The following UQCC1 variants were observed in gnomAD, a reference collection of about 807,000 sequenced individuals.
UQCC1 encodes ubiquinol-cytochrome c reductase complex assembly factor 1.
In UQCC1, 38 loss-of-function variants were observed where a neutral mutation model predicts 48.0. The ratio of observed to expected loss-of-function variants is 0.79; its 90% CI spans 0.61 to 1.04. UQCC1 has a LOEUF of 1.04. Ranked by LOEUF, UQCC1 falls within the 50% of genes least tolerant of loss-of-function variation. The pLI, the probability that UQCC1 is intolerant of heterozygous loss-of-function variation, is 0.00. For missense variants in UQCC1, 368 were observed against 381.8 expected (o/e 0.96, Z 0.30); for synonymous variants, 111 against 129.2 (o/e 0.86, Z 0.95).
intron 2 of UQCC1, chr20:35,384,598 C>T: frequency 4.5e-6 from 2 of 447,404 alleles, no homozygotes; most frequent in Non-Finnish European, 8.9e-6. Context: ...GCTATCATCA[C>T]ACCACTGCAC....
intron 1 of UQCC1, among the ~76,000 whole-genome samples, chr20:35,394,399 T>C (rs1486269977): frequency 1.3e-5 from 2 of 152,016 alleles, no homozygotes; most frequent in Admixed American, 6.6e-5. Context: ...CTTTCAACCA[T>C]ACCTGAGTTT....
intron 1 of UQCC1, among the ~76,000 whole-genome samples, chr20:35,397,200 CA>C (rs1390856627): frequency 9.0e-5 from 9 of 100,074 alleles, no homozygotes; most frequent in African/African-American, 8.0e-5. Flanking sequence ...GACTCTGTCT[CA>C]AAAAAAAAAG....
chr20:35,331,995 A>G (rs1003509432), intron 7 of UQCC1, among the ~76,000 whole-genome samples: 11 of 152,222 alleles, frequency 7.2e-5, no homozygotes, highest in African/African-American at 2.7e-4. Flanking sequence ...AGACAATGAG[A>G]GGTAAAGAGA....
chr20:35,371,349 T>A (rs1412475262), intron 5 of UQCC1, among the ~76,000 whole-genome samples: 1 of 151,416 alleles, frequency 6.6e-6, no homozygotes, highest in Non-Finnish European at 1.5e-5. Context: ...TTTTTGTTTT[T>A]TTTTTTGAGA....
At chr20:35,359,241 A>T (rs1048302717) in intron 6 of UQCC1, among the ~76,000 whole-genome samples, 2 of 152,186 alleles carry the variant, frequency 1.3e-5, no homozygotes, top group Non-Finnish European at 2.9e-5. Context: ...GGACATTATA[A>T]CTGTCCCCGT....
intron 6 of UQCC1, among the ~76,000 whole-genome samples, chr20:35,358,356 C>CAAAAAA (rs1198006186): frequency 9.5e-4 from 47 of 49,398 alleles, no homozygotes; most frequent in African/African-American, 1.6e-3. Flanking sequence ...GACTCTGTCT[C>CAAAAAA]AAAAAAAAAA....
At chr20:35,340,496 T>G (rs1428208298) in intron 7 of UQCC1, among the ~76,000 whole-genome samples, 4 of 152,204 alleles carry the variant, frequency 2.6e-5, no homozygotes, top group Non-Finnish European at 5.9e-5. Flanking sequence ...GGACTGTCCT[T>G]TAGTTACACT....
At chr20:35,350,827 G>T (rs1359393046) in intron 6 of UQCC1, among the ~76,000 whole-genome samples, 1 of 152,082 alleles carries the variant, frequency 6.6e-6, no homozygotes, top group South Asian at 2.1e-4. Context: ...GATCACCTGA[G>T]GTCAGGAGTT....
chr20:35,335,984 GC>G (rs2061312514), intron 7 of UQCC1, among the ~76,000 whole-genome samples: 1 of 152,134 alleles, frequency 6.6e-6, no homozygotes, highest in Non-Finnish European at 1.5e-5. Flanking sequence ...AGTGTGGGCA[GC>G]ACGGAGAGAA....
At chr20:35,409,930 C>G (rs959565893) in intron 1 of UQCC1, 1 of 151,940 alleles carries the variant, frequency 6.6e-6, no homozygotes, top group Non-Finnish European at 1.5e-5. Flanking sequence ...CTCAGCCTCA[C>G]GAGTAGCTGG....
intron 7 of UQCC1, among the ~76,000 whole-genome samples, chr20:35,316,088 T>G (rs1298674206): frequency 6.6e-6 from 1 of 152,204 alleles, no homozygotes; most frequent in Non-Finnish European, 1.5e-5. Context: ...GTCCACGTTT[T>G]ATTCCTCTTC....
At chr20:35,334,457 C>G (rs1386404197) in intron 7 of UQCC1, among the ~76,000 whole-genome samples, 1 of 152,288 alleles carries the variant, frequency 6.6e-6, no homozygotes, top group South Asian at 2.1e-4. Context: ...GTGCCTTTAT[C>G]CACACTGTTC....
intron 2 of UQCC1, 86 bp downstream of exon 2, chr20:35,394,006 A>G: frequency 7.6e-7 from 1 of 1,323,456 alleles, no homozygotes; most frequent in Non-Finnish European, 1.1e-6. Context: ...TCCATCACAC[A>G]ATTTGGTTGG....
chr20:35,360,365 G>A (rs1389423042), intron 6 of UQCC1, among the ~76,000 whole-genome samples: 1 of 152,146 alleles, frequency 6.6e-6, no homozygotes, highest in East Asian at 1.9e-4. Flanking sequence ...TGCCGGTGCA[G>A]TTCTCTGGCT....
chr20:35,324,618 A>ATG (rs1568657220), intron 7 of UQCC1, among the ~76,000 whole-genome samples: 5 of 152,234 alleles, frequency 3.3e-5, no homozygotes, highest in Non-Finnish European at 7.3e-5. Context: ...GAGCCACCGC[A>ATG]CCTGGCCGAG....
chr20:35,351,459 T>C (rs1308558894), intron 6 of UQCC1, among the ~76,000 whole-genome samples: 1 of 151,722 alleles, frequency 6.6e-6, no homozygotes, highest in Non-Finnish European at 1.5e-5. Context: ...TTTGGCTACT[T>C]TATAGGACAC....
chr20:35,325,346 A>T (rs1180585611), intron 7 of UQCC1, among the ~76,000 whole-genome samples: 1 of 152,226 alleles, frequency 6.6e-6, no homozygotes, highest in Non-Finnish European at 1.5e-5. Flanking sequence ...GATAAATATT[A>T]TGTATGTATA....
At chr20:35,348,468 C>A (rs910575159) in intron 6 of UQCC1, among the ~76,000 whole-genome samples, 3 of 151,994 alleles carry the variant, frequency 2.0e-5, no homozygotes, top group South Asian at 2.1e-4. Context: ...CGGCTCACTA[C>A]AAGCTCTGCC....
intron 6 of UQCC1, among the ~76,000 whole-genome samples, chr20:35,360,480 T>C (rs1225088199): frequency 6.6e-6 from 1 of 152,240 alleles, no homozygotes; most frequent in Non-Finnish European, 1.5e-5. Context: ...TATGAAATCA[T>C]TCCAGTGTTT....
Sources: gnomAD v4.1 joint callset for allele counts (sites outside exome capture counted in the v4.1 genomes callset) on GRCh38, gnomAD v4.1.1 for gene constraint, MANE v1.5 for transcripts, NCBI Gene and HGNC (gene_info 2026-07-23, HGNC 2026-07-21) for gene names.